The following PRKN variants were observed in gnomAD, a reference collection of about 807,000 sequenced individuals.
PRKN encodes parkin RBR E3 ubiquitin protein ligase.
In PRKN, 56 loss-of-function variants were observed where a neutral mutation model predicts 59.5. The ratio of observed to expected loss-of-function variants is 0.94; its 90% CI spans 0.76 to 1.18. PRKN has a LOEUF of 1.18. Among genes scored for constraint, PRKN ranks in the 50% most tolerant of loss-of-function variants. The pLI, the probability that PRKN is intolerant of heterozygous loss-of-function variation, is 0.00. For synonymous variants in PRKN, 250 were observed against 222.1 expected, an observed-to-expected ratio of 1.13 and a Z score of -1.12; for missense variants, 657 against 596.4, an observed-to-expected ratio of 1.10 and a Z score of -1.06.
rs71004062 is a variant in PRKN, at chr6:161,703,839, C to CTTTTTT, written c.871+81927_871+81932dup. On this transcript the variant is annotated intron_variant, in intron 7 of 11. Coordinates refer to ENST00000366898, the MANE Select transcript of PRKN (RefSeq NM_004562.3). ...CACACATCTCTCTCTCTCTCTCTCTCTTTTTTTTTTTTTTTTTTTTTTTTT... is the reference window on the plus strand; with the variant it reads ...CACACATCTCTCTCTCTCTCTCTCTCTTTTTTTTTTTTTTTTTTTTTTTTTTTTTTT... 4.7e-4 allele frequency among the ~76,000 whole-genome samples: 28 copies of CTTTTTT among 59,852 alleles called. 1 individual carries two copies. The highest frequency in any genetic ancestry group is 1.3e-3 in the African/African-American group (22 of 16,784). The allele number at this position is 59,852 out of a possible 152,430, so 39.3% of individuals were successfully genotyped here. A position where few individuals can be genotyped will look rare whatever the true frequency, so the allele number is the denominator to read the frequency against.
chr6:161,871,523 A>G (rs765925392), intron 6 of PRKN, among the ~76,000 whole-genome samples: 6 of 152,268 alleles, frequency 3.9e-5, no homozygotes, highest in Non-Finnish European at 8.8e-5. Flanking sequence ...AGTATAATAA[A>G]AAGTGTTATA....
chr6:162,556,342 G>GGGGTGTGTGTGTGTGT (rs1175202893), intron 1 of PRKN, among the ~76,000 whole-genome samples: 837 of 57,236 alleles, frequency 0.015, 54 homozygotes, highest in South Asian at 0.021. Context: ...CTACTCAGCT[G>GGGGTGTGTGTGTGTGT]GTGTGTGTGT....
rs750670811 is a variant in PRKN at position 161,467,181 on chromosome 6, A to G, written c.1084-80304T>C. On this transcript the variant is annotated intron_variant, in intron 9 of 11. Coordinates refer to ENST00000366898, the MANE Select transcript of PRKN (RefSeq NM_004562.3). This position sits in a 1 kb window ranked among gnomAD's most constrained non-coding sequence, Gnocchi z 4.3. Reference sequence around the variant, plus strand: ...GACGAATAGTTGTTTTTTTCAATGTACTGGGAAAGTGGCATTTTGAGAGAG... The same window carrying G: ...GACGAATAGTTGTTTTTTTCAATGTGCTGGGAAAGTGGCATTTTGAGAGAG... 6.6e-6 allele frequency among the ~76,000 whole-genome samples: 1 copy of G among 152,040 alleles called. No individual in the cohort carries two copies. The highest frequency in any genetic ancestry group is 1.5e-5 in the Non-Finnish European group (1 of 67,998).
At chr6:162,582,979 G>T (rs543972168) in intron 1 of PRKN, among the ~76,000 whole-genome samples, 9 of 152,174 alleles carry the variant, frequency 5.9e-5, no homozygotes, top group Non-Finnish European at 1.3e-4. Context: ...TAGGAGGTAG[G>T]ACTTTTAGGA....
chr6:162,552,189 G>A lies in PRKN; in HGVS notation c.8-108716C>T, dbSNP rs181623497. On this transcript the variant is annotated intron_variant, in intron 1 of 11. Transcript: ENST00000366898. ...GAAAATCAGGTGACTAGGCGTTGGT[G>A]GCCATAGGTGTGAGTCGGACAGCAA... is the stretch of plus-strand genomic sequence containing the variant. Among the ~76,000 whole-genome samples the A allele has an allele frequency of 2.0e-5, 3 of 152,304 alleles. No homozygotes were observed. The East Asian group carries it at 5.8e-4, about 29-fold the overall frequency.
At chr6:162,554,230 G>A (rs562369384) in intron 1 of PRKN, among the ~76,000 whole-genome samples, 18 of 152,286 alleles carry the variant, frequency 1.2e-4, no homozygotes, top group South Asian at 2.1e-4. Flanking sequence ...ATGGCCAGGC[G>A]CAGTGGCTCA....
rs546686837 is a variant in PRKN, at chr6:162,087,556, G to A, written c.535-33382C>T. Among the ~76,000 whole-genome samples the A allele has an allele frequency of 4.0e-5, 6 of 150,984 alleles. No homozygotes were observed. In the South Asian group the frequency reaches 1.0e-3, roughly 26 times the overall value. ...CATGGTTTCTGCTTCAAGTGGGTGA[G>A]TGGAGGGCCTACAGGTGCTTAGAGA... On this transcript the variant is annotated intron_variant, in intron 4 of 11. Coordinates refer to ENST00000366898, the MANE Select transcript of PRKN (RefSeq NM_004562.3).
intron 4 of PRKN, among the ~76,000 whole-genome samples, chr6:162,120,529 T>C (rs1780868203): frequency 1.3e-5 from 2 of 152,160 alleles, no homozygotes; most frequent in South Asian, 2.1e-4. Context: ...TAAAACTCCA[T>C]GTTGGTCACC....
intron 3 of PRKN, among the ~76,000 whole-genome samples, chr6:162,235,273 T>C (rs369623888): frequency 6.6e-6 from 1 of 152,168 alleles, no homozygotes; most frequent in East Asian, 1.9e-4. Context: ...AATAATTACA[T>C]TGCCTTATTG....
In PRKN at chr6:162,463,529, C is replaced by T. The variant is rs915993763; in HGVS notation, c.8-20056G>A. Among the ~76,000 whole-genome samples the T allele has an allele frequency of 2.6e-5, 4 of 152,116 alleles. 1 individual carries two copies. Among genetic ancestry groups the T allele is most frequent in the Non-Finnish European group, 4.4e-5 (3 of 68,012 alleles). The stretch of plus-strand genomic sequence containing the variant: ...TGCTTCCTGTCTGTCATAAAAGATT[C>T]GGGTTCCCTGAGCTCCGGGTTCCTC... On this transcript the variant is annotated intron_variant, in intron 1 of 11. Coordinates refer to ENST00000366898, the MANE Select transcript of PRKN (RefSeq NM_004562.3).
Position 162,056,796 on chromosome 6 carries a change from C to T in PRKN, c.535-2622G>A, listed in dbSNP as rs748772956. 6.6e-6 allele frequency among the ~76,000 whole-genome samples: 1 copy of T among 152,158 alleles called. No individual in the cohort carries two copies. Among genetic ancestry groups the T allele is most frequent in the African/African-American group, 2.4e-5 (1 of 41,434 alleles). On this transcript the variant is annotated intron_variant, in intron 4 of 11. Coordinates refer to ENST00000366898, the MANE Select transcript of PRKN (RefSeq NM_004562.3). This position sits in a 1 kb window ranked among gnomAD's most constrained non-coding sequence, Gnocchi z 4.9. ...GATAAGCCCCAGGCAGAGGTGTCTGCATGACCAGTTCCCACTAAAATCGCT... is the reference window on the plus strand; with the variant it reads ...GATAAGCCCCAGGCAGAGGTGTCTGTATGACCAGTTCCCACTAAAATCGCT...
intron 2 of PRKN, among the ~76,000 whole-genome samples, chr6:162,372,027 C>T (rs1158253679): frequency 6.6e-6 from 1 of 152,180 alleles, no homozygotes; most frequent in Non-Finnish European, 1.5e-5. Flanking sequence ...CTGCCAGATG[C>T]CCTCTGTCCA....
chr6:162,057,347 A>C (rs972317032), intron 4 of PRKN, among the ~76,000 whole-genome samples: 1 of 152,178 alleles, frequency 6.6e-6, no homozygotes, highest in African/African-American at 2.4e-5. Flanking sequence ...TAAAAGCAAA[A>C]ACAGAAATGT....
intron 2 of PRKN, among the ~76,000 whole-genome samples, chr6:162,423,866 G>T (rs1248789237): frequency 6.6e-6 from 1 of 152,154 alleles, no homozygotes. Flanking sequence ...TTAGATGAAT[G>T]CCTAATGACA....
intron 1 of PRKN, among the ~76,000 whole-genome samples, chr6:162,451,506 C>G (rs1463939328): frequency 6.6e-6 from 1 of 151,854 alleles, no homozygotes; most frequent in Non-Finnish European, 1.5e-5. Context: ...GGGCAGATCA[C>G]TTGAGCCCAG....
rs149587163 is a variant in PRKN at position 162,066,314 on chromosome 6, C to CTA, written c.535-12141_535-12140insTA. On this transcript the variant is annotated intron_variant, in intron 4 of 11. Coordinates refer to ENST00000366898, the MANE Select transcript of PRKN (RefSeq NM_004562.3). ...TCAACACCTAATACTAACCATCACA[C>CTA]AAATCCTTAAAAGGCCATCCTTTAT... Among the ~76,000 whole-genome samples the CTA allele has an allele frequency of 4.3e-3, 654 of 152,310 alleles. 4 individuals are homozygous for CTA. The highest frequency in any genetic ancestry group is 0.015 in the African/African-American group (613 of 41,572).
At position 161,475,678 on chromosome 6, in the gene PRKN, T is replaced by C. The variant is rs2115213435; in HGVS notation, c.1083+73176A>G. Among the ~76,000 whole-genome samples the C allele has an allele frequency of 6.6e-6, 1 of 152,194 alleles. No homozygotes were observed. The highest frequency in any genetic ancestry group is 2.1e-4 in the South Asian group (1 of 4,814). ...TTTGTAGAGACAGGGTTTTGCCATG[T>C]TGCCGAGGCTGGTCTTGAACTCCTG... On this transcript the variant is annotated intron_variant, in intron 9 of 11. Transcript: ENST00000366898. This position sits in a 1 kb window ranked among gnomAD's most constrained non-coding sequence, Gnocchi z 5.3.
chr6:161,514,301 A>C, intron 9 of PRKN, among the ~76,000 whole-genome samples: 1 of 152,258 alleles, frequency 6.6e-6, no homozygotes, highest in East Asian at 1.9e-4. Flanking sequence ...TTGCACAGAC[A>C]GGAGTTGGAT....
At chr6:161,871,377 C>T (rs1230689452) in intron 6 of PRKN, among the ~76,000 whole-genome samples, 1 of 152,094 alleles carries the variant, frequency 6.6e-6, no homozygotes, top group Non-Finnish European at 1.5e-5. Flanking sequence ...AATTTGGGGT[C>T]TACCTGGAAA....
Sources: gnomAD v4.1 joint callset for allele counts (sites outside exome capture counted in the v4.1 genomes callset) on GRCh38, gnomAD v4.1.1 for gene constraint, Gnocchi (gnomAD v3.1) non-coding constraint, MANE v1.5 for transcripts, NCBI Gene and HGNC (gene_info 2026-07-23, HGNC 2026-07-21) for gene names.